The following PARD3 variants were observed in gnomAD, a reference collection of about 807,000 sequenced individuals.
The protein encoded by PARD3 is partitioning defective 3 homolog.
PARD3 carries 75 observed loss-of-function variants against 155.4 expected under a neutral mutation model. The ratio of observed to expected loss-of-function variants is 0.48; its 90% CI spans 0.40 to 0.58. PARD3 has a LOEUF of 0.58. Among genes scored for constraint, PARD3 ranks in the 20% least tolerant of loss-of-function variants. The probability of loss-of-function intolerance (pLI) is 0.00; values close to 1 mark genes in which losing one functional copy is unlikely to be tolerated. For missense variants in PARD3, 1,642 were observed against 1,721.7 expected (o/e 0.95, Z 0.82); for synonymous variants, 576 against 610.5 (o/e 0.94, Z 0.83).
intron 22 of PARD3, among the ~76,000 whole-genome samples, chr10:34,187,081 T>C (rs1950522951): frequency 6.6e-6 from 1 of 151,908 alleles, no homozygotes; most frequent in South Asian, 2.1e-4. Context: ...GAACAATGAG[T>C]GGTGTTTCAG....
intron 5 of PARD3, among the ~76,000 whole-genome samples, chr10:34,448,626 C>G (rs760770215): frequency 1.3e-5 from 2 of 151,884 alleles, no homozygotes; most frequent in African/African-American, 2.4e-5. Flanking sequence ...AAAGGGAGAC[C>G]GTCTCCACAA....
chr10:34,135,625 G>A (rs1947853282), intron 22 of PARD3, among the ~76,000 whole-genome samples: 1 of 152,184 alleles, frequency 6.6e-6, no homozygotes. Context: ...GGAGCAATGA[G>A]CCTATCTGCA....
intron 22 of PARD3, among the ~76,000 whole-genome samples, chr10:34,217,617 C>G (rs1006215017): frequency 6.6e-6 from 1 of 152,000 alleles, no homozygotes; most frequent in Non-Finnish European, 1.5e-5. Flanking sequence ...ATGCTCGTGG[C>G]GTGCACTGAG....
intron 2 of PARD3, among the ~76,000 whole-genome samples, chr10:34,610,690 C>G (rs1047851487): frequency 3.3e-5 from 5 of 152,146 alleles, no homozygotes; most frequent in Non-Finnish European, 5.9e-5. Context: ...TTGCTGACAG[C>G]ATTTTGTTTT....
intron 22 of PARD3, among the ~76,000 whole-genome samples, chr10:34,179,766 T>C (rs1405635695): frequency 6.6e-6 from 1 of 152,062 alleles, no homozygotes; most frequent in African/African-American, 2.4e-5. Flanking sequence ...GCAAATAAAA[T>C]AATCACAATA....
At chr10:34,115,083 A>G (rs968816011) in intron 24 of PARD3, among the ~76,000 whole-genome samples, 2 of 152,184 alleles carry the variant, frequency 1.3e-5, no homozygotes, top group Non-Finnish European at 2.9e-5. Context: ...GCCCGAGGAA[A>G]GCCATTAAGC....
chr10:34,256,647 T>C (rs1588957327), intron 22 of PARD3, among the ~76,000 whole-genome samples: 1 of 152,148 alleles, frequency 6.6e-6, no homozygotes. Context: ...TATTTTCAAA[T>C]CCCTGTATTC....
chr10:34,586,280 C>A (rs968287645), intron 2 of PARD3, among the ~76,000 whole-genome samples: 2 of 151,934 alleles, frequency 1.3e-5, no homozygotes, highest in South Asian at 4.1e-4. Flanking sequence ...AATTCAGGAT[C>A]AAGAATTTGA....
At chr10:34,116,582 G>A (rs982889010) in intron 24 of PARD3, among the ~76,000 whole-genome samples, 3 of 152,156 alleles carry the variant, frequency 2.0e-5, no homozygotes, top group African/African-American at 2.4e-5. Context: ...GCATCAAGCC[G>A]AACGCAGGGT....
At chr10:34,683,095 T>A (rs772195593) in intron 2 of PARD3, among the ~76,000 whole-genome samples, 17 of 152,154 alleles carry the variant, frequency 1.1e-4, no homozygotes, top group Non-Finnish European at 2.1e-4. Flanking sequence ...TGCAGCCACA[T>A]AGATGGAACT....
intron 22 of PARD3, among the ~76,000 whole-genome samples, chr10:34,175,227 G>A (rs553515115): frequency 7.2e-5 from 11 of 152,234 alleles, no homozygotes; most frequent in African/African-American, 2.4e-4. Flanking sequence ...GCTAAGCATC[G>A]AGCAGGGCTG....
At chr10:34,380,876 G>A (rs926172580) in intron 9 of PARD3, among the ~76,000 whole-genome samples, 13 of 152,032 alleles carry the variant, frequency 8.6e-5, no homozygotes, top group Admixed American at 2.0e-4. Context: ...TTTTTTATAC[G>A]ATTCTATTTG....
chr10:34,363,233 T>C (rs964254628), intron 12 of PARD3, among the ~76,000 whole-genome samples: 3 of 152,242 alleles, frequency 2.0e-5, no homozygotes, highest in Non-Finnish European at 4.4e-5. Flanking sequence ...GCTGGCTGCA[T>C]ATATGAAGAA....
intron 2 of PARD3, among the ~76,000 whole-genome samples, chr10:34,655,434 G>T (rs1219385855): frequency 6.6e-6 from 1 of 152,128 alleles, no homozygotes; most frequent in Non-Finnish European, 1.5e-5. Context: ...GACTGTGGGT[G>T]TGTGTGAGAT....
At chr10:34,357,276 A>T (rs906268351) in intron 14 of PARD3, among the ~76,000 whole-genome samples, 1 of 152,202 alleles carries the variant, frequency 6.6e-6, no homozygotes, top group African/African-American at 2.4e-5. Flanking sequence ...GAAGGAAAAC[A>T]TTGAGAAGGT....
chr10:34,808,985 C>T (rs1843740638), intron 1 of PARD3, among the ~76,000 whole-genome samples: 1 of 152,208 alleles, frequency 6.6e-6, no homozygotes, highest in Non-Finnish European at 1.5e-5. Flanking sequence ...CCCTGGCCAC[C>T]TGCCTTGAAC....
intron 1 of PARD3, among the ~76,000 whole-genome samples, chr10:34,761,892 T>C (rs1837489299): frequency 6.6e-6 from 1 of 152,036 alleles, no homozygotes; most frequent in Admixed American, 6.6e-5. Context: ...AAGGATGGGA[T>C]TAGAAAAAGT....
At chr10:34,467,724 T>G (rs1230586542) in intron 4 of PARD3, among the ~76,000 whole-genome samples, 3 of 152,036 alleles carry the variant, frequency 2.0e-5, no homozygotes, top group African/African-American at 7.2e-5. Flanking sequence ...CCAGCCTGGG[T>G]GACAAAGCAA....
intron 2 of PARD3, among the ~76,000 whole-genome samples, chr10:34,556,543 C>T (rs558346593): frequency 4.2e-4 from 64 of 152,074 alleles, no homozygotes; most frequent in African/African-American, 1.3e-3. Flanking sequence ...CCACCACGCC[C>T]GGCTAATTTT....
Sources: gnomAD v4.1 joint callset for allele counts (sites outside exome capture counted in the v4.1 genomes callset) on GRCh38, gnomAD v4.1.1 for gene constraint, MANE v1.5 for transcripts, NCBI Gene and HGNC (gene_info 2026-07-23, HGNC 2026-07-21) for gene names.